LRP6: variants seen among roughly 807,000 people sequenced by gnomAD.
The protein encoded by LRP6 is low-density lipoprotein receptor-related protein 6.
LRP6 carries 43 observed loss-of-function variants against 184.1 expected under a neutral mutation model. That is an observed-to-expected ratio of 0.23 (90% CI 0.18 to 0.30). LRP6 has a LOEUF of 0.30. Ranked by LOEUF, LRP6 falls within the 10% of genes least tolerant of loss-of-function variation. The pLI is 1.00. For missense variants in LRP6, 1,571 were observed against 2,005.3 expected (o/e 0.78, Z 4.14); for synonymous variants, 719 against 684.9 (o/e 1.05, Z -0.78).
chr12:12,155,084 T>A (rs945149647), intron 12 of LRP6, among the ~76,000 whole-genome samples: 9 of 152,118 alleles, frequency 5.9e-5, no homozygotes, highest in Non-Finnish European at 1.0e-4. Context: ...TAAACTCAGC[T>A]ACTCAGGAGG....
chr12:12,225,672 G>A (rs537189617), intron 2 of LRP6, among the ~76,000 whole-genome samples: 17 of 151,962 alleles, frequency 1.1e-4, no homozygotes, highest in Non-Finnish European at 8.8e-5. Context: ...AGGAGTTTGA[G>A]ACCAGCTGGA....
intron 2 of LRP6, among the ~76,000 whole-genome samples, chr12:12,212,496 C>G (rs1037255397): frequency 7.2e-5 from 11 of 152,236 alleles, no homozygotes; most frequent in Admixed American, 1.3e-4. Flanking sequence ...TAACAAGCAC[C>G]ACCCTAAAAT....
chr12:12,125,736 G>T (rs1446934782), intron 20 of LRP6, among the ~76,000 whole-genome samples: 1 of 152,168 alleles, frequency 6.6e-6, no homozygotes, highest in East Asian at 1.9e-4. Flanking sequence ...TGGAGGATTT[G>T]AAAGGATTGT....
chr12:12,232,595 A>AG (rs1338733145), intron 2 of LRP6, among the ~76,000 whole-genome samples: 7 of 151,324 alleles, frequency 4.6e-5, no homozygotes, highest in Admixed American at 4.6e-4. Flanking sequence ...GCAAAAAAAA[A>AG]AAAAAACAGA....
Position 12,253,232 on chromosome 12 carries a change from C to A in LRP6, c.56-8577G>T, listed in dbSNP as rs1865368751. Among the ~76,000 whole-genome samples, 5 of 152,220 alleles carry A rather than the reference C, an allele frequency of 3.3e-5. No individual in the cohort carries two copies. In the South Asian group the frequency reaches 1.0e-3, roughly 32 times the overall value. On this transcript the variant is annotated intron_variant, in intron 1 of 22. Coordinates refer to ENST00000261349, the MANE Select transcript of LRP6 (RefSeq NM_002336.3). ...TGGGCCAAGATCGCGCCACTGAACTCCAGCCTGGGCAACACAGCGAGACTC... is the reference window on the plus strand; with the variant it reads ...TGGGCCAAGATCGCGCCACTGAACTACAGCCTGGGCAACACAGCGAGACTC...
intron 2 of LRP6, among the ~76,000 whole-genome samples, chr12:12,218,062 A>G (rs1459133350): frequency 6.6e-6 from 1 of 152,328 alleles, no homozygotes; most frequent in Non-Finnish European, 1.5e-5. Flanking sequence ...TGTGTTTCAA[A>G]AGATACCACA....
At position 12,183,999 on chromosome 12, in the gene LRP6, A is replaced by G. The variant is rs755084404; in HGVS notation, c.957T>C (p.Asn319=). The G allele has an allele frequency of 3.7e-6, 6 of 1,613,518 alleles. No homozygotes were observed. Among genetic ancestry groups the G allele is most frequent in the Admixed American group, 3.3e-5 (2 of 60,008 alleles). The change falls in exon 5 of 23, where the codon AAT becomes AAC. Residue 319 remains asparagine (N), a synonymous_variant. Transcript: ENST00000261349. Reference sequence around the variant, plus strand: ...TCTTACCATCTTTGCAGGTTTTTCCATTCTCCAGGAGTTTGACCCCAGTGG... The same window carrying G: ...TCTTACCATCTTTGCAGGTTTTTCCGTTCTCCAGGAGTTTGACCCCAGTGG... ...ACPTGVKLLE[N]GKTCKDGATE...
intron 4 of LRP6, 28 bp from the exon 5 acceptor site, chr12:12,184,139 T>C: frequency 1.9e-6 from 3 of 1,582,758 alleles, no homozygotes; most frequent in Non-Finnish European, 1.7e-6. Flanking sequence ...CATTGATTAA[T>C]ATCAATGATT....
chr12:12,231,092 A>G (rs1391267635), intron 2 of LRP6, among the ~76,000 whole-genome samples: 1 of 140,714 alleles, frequency 7.1e-6, no homozygotes, highest in Non-Finnish European at 1.5e-5. Context: ...GAGGCAGGAG[A>G]ATGGCTTGAA....
intron 12 of LRP6, chr12:12,155,163 T>A (rs1362570719): frequency 8.1e-6 from 4 of 494,374 alleles, no homozygotes; most frequent in Non-Finnish European, 1.1e-5. Flanking sequence ...GCCACTTTAC[T>A]CCAGCCTGGG....
intron 3 of LRP6, among the ~76,000 whole-genome samples, chr12:12,191,775 A>T (rs1410891418): frequency 6.6e-6 from 1 of 152,142 alleles, no homozygotes; most frequent in Non-Finnish European, 1.5e-5. Context: ...ACAAAAATAC[A>T]TCATTTCAGA....
At chr12:12,254,948 T>A (rs954728025) in intron 1 of LRP6, among the ~76,000 whole-genome samples, 1 of 152,216 alleles carries the variant, frequency 6.6e-6, no homozygotes, top group Non-Finnish European at 1.5e-5. Context: ...TCAAGAGGCA[T>A]TTTAAAGTCC....
intron 2 of LRP6, among the ~76,000 whole-genome samples, chr12:12,243,256 T>A (rs1865108107): frequency 6.6e-6 from 1 of 152,206 alleles, no homozygotes; most frequent in Admixed American, 6.5e-5. Context: ...CACTCTGAAA[T>A]GAGATTTACT....
At chr12:12,127,021 G>A (rs745877557) in intron 19 of LRP6, 100 bp from the exon 20 acceptor site, 22 of 955,086 alleles carry the variant, frequency 2.3e-5, no homozygotes, top group Non-Finnish European at 3.5e-5. Flanking sequence ...GAAGCTATAA[G>A]CCTAATGAAG....
At chr12:12,152,142 G>A (rs1950089875) in intron 12 of LRP6, among the ~76,000 whole-genome samples, 1 of 152,018 alleles carries the variant, frequency 6.6e-6, no homozygotes, top group Non-Finnish European at 1.5e-5. Flanking sequence ...CCATAATAGT[G>A]AATAAGTCTC....
At chr12:12,180,124 G>T in intron 6 of LRP6, 143 bp from the exon 7 acceptor site, 1 of 677,990 alleles carries the variant, frequency 1.5e-6, no homozygotes. Context: ...AACATATGAA[G>T]AGGTGTTTAA....
intron 13 of LRP6, among the ~76,000 whole-genome samples, chr12:12,149,367 A>G (rs1340875296): frequency 6.6e-6 from 1 of 152,144 alleles, no homozygotes; most frequent in Non-Finnish European, 1.5e-5. Context: ...GCTGCTGAAA[A>G]AAAGAGCTGA....
At chr12:12,177,893 GGAACAAAT>G (rs1162193537) in intron 7 of LRP6, among the ~76,000 whole-genome samples, 4 of 150,882 alleles carry the variant, frequency 2.7e-5, no homozygotes, top group Admixed American at 2.0e-4. Flanking sequence ...AATGAATGAA[GGAACAAAT>G]GAACGAATGA....
At position 12,165,185 on chromosome 12, in the gene LRP6, C is replaced by T; in HGVS notation, c.1656G>A (p.Arg552=). 1.2e-6 allele frequency: 2 copies of T among 1,614,030 alleles called. No homozygotes were observed. Among genetic ancestry groups the T allele is most frequent in the East Asian group, 2.2e-5 (1 of 44,878 alleles). Residue 552 remains arginine, a synonymous_variant, in exon 8 of 23, where the codon AGG becomes AGA. Transcript: ENST00000261349. ...GDYVYWTDWQ[R]RSIERVHKRS... ...GTTTATGAACTCTTTCAATGCTACG[C>T]CTCTGCCAGTCAGTCCAGTAAACAT... is the stretch of plus-strand genomic sequence containing the variant.
Sources: allele counts gnomAD v4.1 joint callset (sites outside exome capture counted in the v4.1 genomes callset), GRCh38; gene constraint gnomAD v4.1.1; transcripts MANE v1.5; gene names NCBI Gene and HGNC (gene_info 2026-07-23, HGNC 2026-07-21).